Variants in PDE1C observed in about 807,000 individuals in gnomAD.
The protein encoded by PDE1C is phosphodiesterase 1C.
In PDE1C, 62 loss-of-function variants were observed where a neutral mutation model predicts 93.1. That is an observed-to-expected ratio of 0.67 (90% CI 0.54 to 0.82). PDE1C has a LOEUF of 0.82. Among genes scored for constraint, PDE1C ranks in the 40% least tolerant of loss-of-function variants. The pLI, the probability that PDE1C is intolerant of heterozygous loss-of-function variation, is 0.00. For missense variants in PDE1C, 742 were observed against 884.6 expected, an observed-to-expected ratio of 0.84 and a Z score of 2.04; for synonymous variants, 325 against 310.1, an observed-to-expected ratio of 1.05 and a Z score of -0.50.
intron 11 of PDE1C, among the ~76,000 whole-genome samples, chr7:31,833,886 G>A (rs937972099): frequency 1.3e-5 from 2 of 152,212 alleles, no homozygotes; most frequent in Non-Finnish European, 2.9e-5. Context: ...AAGTAACAAG[G>A]AGCCAAGACA....
chr7:31,740,466 G>A, the PDE1C span, among the ~76,000 whole-genome samples: 1 of 152,086 alleles, frequency 6.6e-6, no homozygotes, highest in Non-Finnish European at 1.5e-5. Context: ...TCAAATGCCT[G>A]GGTTATAAAT....
At chr7:32,102,343 T>C (rs1157606973) in intron 3 of PDE1C, among the ~76,000 whole-genome samples, 4 of 152,146 alleles carry the variant, frequency 2.6e-5, no homozygotes, top group Non-Finnish European at 2.9e-5. Flanking sequence ...CAGAGTGATA[T>C]ACTGGAGGTC....
At chr7:32,205,157 C>A (rs1805339802) in intron 2 of PDE1C, among the ~76,000 whole-genome samples, 1 of 152,190 alleles carries the variant, frequency 6.6e-6, no homozygotes, top group Non-Finnish European at 1.5e-5. Flanking sequence ...CCAGCTTCAT[C>A]CAGCAATTAA....
At chr7:32,251,307 T>C (rs1339394062) in intron 1 of PDE1C, among the ~76,000 whole-genome samples, 2 of 152,212 alleles carry the variant, frequency 1.3e-5, no homozygotes, top group Non-Finnish European at 2.9e-5. Flanking sequence ...TACTTTGACC[T>C]GCACGTTTGA....
At chr7:31,777,141 TA>T (rs78049864) in intron 16 of PDE1C, among the ~76,000 whole-genome samples, 5,880 of 142,052 alleles carry the variant, frequency 0.041, 260 homozygotes, top group East Asian at 0.19. Flanking sequence ...TAAAGTATAA[TA>T]AAAAAAAAAG....
chr7:31,813,924 T>A (rs113604331), intron 15 of PDE1C, among the ~76,000 whole-genome samples: 4,088 of 152,184 alleles, frequency 0.027, 66 homozygotes, highest in East Asian at 0.065. Flanking sequence ...TTTCCATTCC[T>A]GAGTTAATTC....
intron 16 of PDE1C, among the ~76,000 whole-genome samples, chr7:31,807,449 T>C (rs991275734): frequency 2.6e-5 from 4 of 151,658 alleles, no homozygotes; most frequent in Non-Finnish European, 5.9e-5. Context: ...TACTTGGGTA[T>C]GATTCAGTTA....
At chr7:32,111,619 G>A (rs1798645045) in intron 3 of PDE1C, among the ~76,000 whole-genome samples, 1 of 152,104 alleles carries the variant, frequency 6.6e-6, no homozygotes, top group Non-Finnish European at 1.5e-5. Flanking sequence ...GGGAAACTGA[G>A]ATTCAGACCA....
intron 1 of PDE1C, among the ~76,000 whole-genome samples, chr7:32,389,157 C>CGT (rs575896243): frequency 0.011 from 1,539 of 135,772 alleles, 22 homozygotes; most frequent in African/African-American, 0.028. Flanking sequence ...TGATAGCTGA[C>CGT]GTGTGTGTGT....
chr7:32,297,961 CT>C (rs1812688502), intron 1 of PDE1C, among the ~76,000 whole-genome samples: 1 of 11,270 alleles, frequency 8.9e-5, no homozygotes, highest in African/African-American at 1.4e-4. Context: ...TTCAATCTCT[CT>C]CTCTCTCTCT....
rs893572009 is a variant in PDE1C at position 32,133,125 on chromosome 7, G to T, written c.308+36660C>A. 4.6e-5 allele frequency among the ~76,000 whole-genome samples: 7 copies of T among 152,206 alleles called. No homozygotes were observed. In the East Asian group the frequency reaches 7.7e-4, roughly 17 times the overall value. ...CCAGAACTGAAAAGCTAGGGTGAGG[G>T]TGCAGGTGGGATGGGCAAAGTAAAG... On this transcript the variant is annotated intron_variant, in intron 3 of 18. Transcript: ENST00000396193.
intron 1 of PDE1C, among the ~76,000 whole-genome samples, chr7:32,240,286 T>A (rs1199228125): frequency 6.6e-6 from 1 of 152,228 alleles, no homozygotes; most frequent in Non-Finnish European, 1.5e-5. Flanking sequence ...GGATTAAATA[T>A]AAGACATACA....
chr7:32,221,891 C>T (rs1806895700), intron 1 of PDE1C, among the ~76,000 whole-genome samples: 1 of 152,156 alleles, frequency 6.6e-6, no homozygotes, highest in Non-Finnish European at 1.5e-5. Flanking sequence ...CAGAGCAGAG[C>T]TGAGCTAGAT....
chr7:31,831,335 C>A (rs1409351361), intron 11 of PDE1C, among the ~76,000 whole-genome samples: 2 of 152,032 alleles, frequency 1.3e-5, no homozygotes, highest in Non-Finnish European at 2.9e-5. Context: ...TAGGAAAAAT[C>A]TGTAATCTAA....
intron 2 of PDE1C, among the ~76,000 whole-genome samples, chr7:31,897,313 A>G (rs1464902422): frequency 6.6e-6 from 1 of 152,222 alleles, no homozygotes; most frequent in African/African-American, 2.4e-5. Context: ...TTTGTCACGC[A>G]AGGAAAGTGT....
At chr7:32,241,660 A>C (rs979085320) in intron 1 of PDE1C, among the ~76,000 whole-genome samples, 1 of 152,218 alleles carries the variant, frequency 6.6e-6, no homozygotes, top group Non-Finnish European at 1.5e-5. Flanking sequence ...AATGGAGGCC[A>C]TTAGAGCATA....
intron 2 of PDE1C, among the ~76,000 whole-genome samples, chr7:32,204,527 A>C (rs1447333537): frequency 6.6e-6 from 1 of 152,132 alleles, no homozygotes; most frequent in Non-Finnish European, 1.5e-5. Flanking sequence ...TGTCCAATGC[A>C]CTGAATGCAG....
intron 16 of PDE1C, among the ~76,000 whole-genome samples, chr7:31,775,974 T>C (rs1348985415): frequency 1.3e-5 from 2 of 152,202 alleles, no homozygotes; most frequent in Non-Finnish European, 2.9e-5. Context: ...TTGGGACCGA[T>C]GTGCCACTGA....
chr7:31,871,565 C>CA (rs1381906170), intron 6 of PDE1C, among the ~76,000 whole-genome samples: 1 of 151,430 alleles, frequency 6.6e-6, no homozygotes, highest in Admixed American at 6.6e-5. Context: ...AGACATTTCT[C>CA]AAATGAAGAC....
Sources: gnomAD v4.1 joint callset for allele counts (sites outside exome capture counted in the v4.1 genomes callset) on GRCh38, gnomAD v4.1.1 for gene constraint, MANE v1.5 for transcripts, NCBI Gene and HGNC (gene_info 2026-07-23, HGNC 2026-07-21) for gene names.